The following NETO2 variants were observed in gnomAD, a reference collection of about 807,000 sequenced individuals.
NETO2 encodes neuropilin and tolloid like 2.
Under a neutral mutation model 62.5 loss-of-function variants are expected in NETO2, and 28 were observed. The ratio of observed to expected loss-of-function variants is 0.45; its 90% confidence interval spans 0.33 to 0.61. The LOEUF (loss-of-function observed/expected upper bound fraction) is 0.61, where lower values mean the gene tolerates loss of function less well. NETO2 is among the 20% of genes least tolerant of loss of function. The probability of loss-of-function intolerance (pLI) is 0.02; values close to 1 mark genes in which losing one functional copy is unlikely to be tolerated. For synonymous variants in NETO2, 214 were observed against 219.1 expected, an observed-to-expected ratio of 0.98 and a Z score of 0.21; for missense variants, 548 against 643.2, an observed-to-expected ratio of 0.85 and a Z score of 1.60.
intron 3 of NETO2, 61 bp from the exon 4 acceptor site, chr16:47,128,634 A>C (rs1964204969): frequency 1.9e-6 from 3 of 1,549,570 alleles, no homozygotes; most frequent in Non-Finnish European, 2.6e-6. Context: ...AAATGTATTG[A>C]CACAAATGAG....
At chr16:47,104,728 CTTTT>C (rs966250116) in intron 7 of NETO2, among the ~76,000 whole-genome samples, 1 of 149,368 alleles carries the variant, frequency 6.7e-6, no homozygotes, top group Non-Finnish European at 1.5e-5. Context: ...CACATAATTT[CTTTT>C]TTTTTTGGAC....
chr16:47,143,400 C>A (rs1265913053), intron 1 of NETO2, among the ~76,000 whole-genome samples, 179 bp downstream of exon 1: 1 of 151,890 alleles, frequency 6.6e-6, no homozygotes, highest in Admixed American at 6.6e-5. Context: ...GCCCGGAGAG[C>A]CGGCGGAGCC....
intron 8 of NETO2, among the ~76,000 whole-genome samples, chr16:47,085,626 C>T (rs561124552): frequency 1.2e-3 from 179 of 151,934 alleles, no homozygotes; most frequent in African/African-American, 4.1e-3. Context: ...TCAGGTGATC[C>T]GCCTGCCTCA....
chr16:47,100,311 G>A (rs1189238049), intron 7 of NETO2, among the ~76,000 whole-genome samples: 1 of 152,180 alleles, frequency 6.6e-6, no homozygotes, highest in Non-Finnish European at 1.5e-5. Context: ...CTAAAGCAGT[G>A]TTTAGAGGGA....
At chr16:47,119,281 A>G (rs1963989808) in intron 6 of NETO2, among the ~76,000 whole-genome samples, 1 of 151,336 alleles carries the variant, frequency 6.6e-6, no homozygotes, top group Non-Finnish European at 1.5e-5. Context: ...CCTCCTGAGT[A>G]GCTGGGACTA....
chr16:47,102,747 A>G (rs550348751), intron 7 of NETO2, among the ~76,000 whole-genome samples: 1 of 152,328 alleles, frequency 6.6e-6, no homozygotes, highest in East Asian at 1.9e-4. Context: ...ATGAGCTACC[A>G]TCTCACACCA....
At position 47,135,997 on chromosome 16, in the gene NETO2, C is replaced by T. The variant is rs533797939; in HGVS notation, c.35-3972G>A. Among the ~76,000 whole-genome samples the T allele has an allele frequency of 7.0e-4, 106 of 152,136 alleles. 1 individual carries two copies. The highest frequency in any genetic ancestry group is 2.4e-3 in the African/African-American group (98 of 41,514). ...AACAGAGCAGTAACATGTTTCTGAGCAGTAAAATAATGCTGCAAAGATAAT... is the reference window on the plus strand; with the variant it reads ...AACAGAGCAGTAACATGTTTCTGAGTAGTAAAATAATGCTGCAAAGATAAT... On this transcript the variant is annotated intron_variant, in intron 1 of 8. Transcript: ENST00000562435.
At chr16:47,089,194 G>A (rs973976049) in intron 7 of NETO2, among the ~76,000 whole-genome samples, 1 of 152,100 alleles carries the variant, frequency 6.6e-6, no homozygotes, top group Non-Finnish European at 1.5e-5. Flanking sequence ...AGTACTCAGC[G>A]GCTGCAGTTC....
chr16:47,086,095 G>A (rs1963183507), intron 8 of NETO2, 131 bp downstream of exon 8: 6 of 689,244 alleles, frequency 8.7e-6, no homozygotes, highest in Admixed American at 2.2e-5. Context: ...GACAGAGCAG[G>A]ACTCCGTCTC....
Position 47,129,261 on chromosome 16 carries a change from T to C in NETO2, c.195A>G (p.Ser65=), listed in dbSNP as rs554744136. ...AGATACACTCCTTGTTTGGTGGATA[T>C]GAGTCAGGATAATTTGGCGAAGCAA... The part of the protein sequence containing the change: ...GHFASPNYPD[S]YPPNKECIYI... The change falls in exon 3 of 9, where the codon TCA becomes TCG. Residue 65 remains serine, a synonymous_variant. Coordinates refer to ENST00000562435, the MANE Select transcript of NETO2 (RefSeq NM_018092.5). 1.2e-5 allele frequency: 20 copies of C among 1,614,074 alleles called. No individual in the cohort carries two copies. The East Asian group carries it at 3.6e-4, about 29-fold the overall frequency.
chr16:47,122,980 T>C, intron 4 of NETO2, 68 bp from the exon 5 acceptor site: 1 of 1,431,284 alleles, frequency 7.0e-7, no homozygotes, highest in Non-Finnish European at 9.7e-7. Context: ...TGTCTTACAT[T>C]ACATCTAACG....
At chr16:47,101,204 C>T (rs1326098212) in intron 7 of NETO2, among the ~76,000 whole-genome samples, 3 of 152,054 alleles carry the variant, frequency 2.0e-5, no homozygotes, top group African/African-American at 4.8e-5. Context: ...TCTCAATAGA[C>T]GCAGAAAAGG....
chr16:47,098,497 G>A (rs1340010264), intron 7 of NETO2, among the ~76,000 whole-genome samples: 3 of 152,122 alleles, frequency 2.0e-5, no homozygotes, highest in East Asian at 1.9e-4. Context: ...TAAAAGGAAC[G>A]AACAAAGTCT....
In NETO2 at chr16:47,083,124, G is replaced by C. The variant is rs1014165027; in HGVS notation, c.*97C>G. ...ACGGTAAATCAAGGTCTTCGTAGTT[G>C]TGATGGGAGAAAAGGGTTGGCTGCT... On this transcript the variant is annotated 3_prime_UTR_variant, in exon 9 of 9. Transcript: ENST00000562435. The C allele has an allele frequency of 2.8e-6, 3 of 1,066,090 alleles. No individual in the cohort carries two copies. The highest frequency in any genetic ancestry group is 4.7e-5 in the Admixed American group (2 of 42,466). The allele number at this position is 1,066,090 out of a possible 1,614,324, so 66.0% of individuals were successfully genotyped here. A position where few individuals can be genotyped will look rare whatever the true frequency, so the allele number is the denominator to read the frequency against.
chr16:47,106,528 A>C (rs1567386978), intron 7 of NETO2, among the ~76,000 whole-genome samples: 1 of 152,122 alleles, frequency 6.6e-6, no homozygotes, highest in South Asian at 2.1e-4. Flanking sequence ...ATATCTAACG[A>C]AATTACACAA....
Position 47,129,217 on chromosome 16 carries a change from C to T in NETO2, c.232+7G>A. 6.2e-7 allele frequency: 1 copy of T among 1,613,148 alleles called. No homozygotes were observed. The highest frequency in any genetic ancestry group is 8.5e-7 in the Non-Finnish European group (1 of 1,179,414). ...AATTCATCCAATAAAAGAAATCGTT[C>T]AAATACCTTCCAAAATGTAGATACA... is the stretch of plus-strand genomic sequence containing the variant. On this transcript the variant is annotated splice_region_variant and intron_variant, in intron 3 of 8. Transcript: ENST00000562435.
chr16:47,143,848 C>G lies in NETO2; in HGVS notation c.-236G>C. On this transcript the variant is annotated 5_prime_UTR_variant, in exon 1 of 9. Coordinates refer to ENST00000562435, the MANE Select transcript of NETO2 (RefSeq NM_018092.5). ...GCGCCGCCTCCTGCTCCGCGGCGCC[C>G]CGTCCCATCGACCGCCCGAGGGCCG... The G allele has an allele frequency of 2.6e-6, 1 of 385,382 alleles. No individual in the cohort carries two copies. Among genetic ancestry groups the G allele is most frequent in the Non-Finnish European group, 4.1e-6 (1 of 245,130 alleles). The allele number at this position is 385,382 out of a possible 1,614,324, so 23.9% of individuals were successfully genotyped here. A position where few individuals can be genotyped will look rare whatever the true frequency, so the allele number is the denominator to read the frequency against.
chr16:47,088,195 C>T (rs1232690933), intron 7 of NETO2, among the ~76,000 whole-genome samples: 2 of 152,092 alleles, frequency 1.3e-5, no homozygotes, highest in Non-Finnish European at 2.9e-5. Flanking sequence ...ACCTTTGCCT[C>T]CCAGGTTCAA....
rs749427046 is a variant in NETO2, at chr16:47,122,783, A to T, written c.528T>A (p.Asp176Glu). 4 of 1,613,986 alleles carry T rather than the reference A, an allele frequency of 2.5e-6. No homozygotes were observed. The highest frequency in any genetic ancestry group is 1.1e-5 in the South Asian group (1 of 91,062). ...CAGCTCCCGAGAGCTCGAACTGACA[A>T]TCTGGAAGGAATACATGAAAGGTGT... ...YLGGILNPIP[D>E]CQFELSGADG... Residue 176 changes from aspartate to glutamate, a missense_variant and splice_region_variant, in exon 6 of 9, where the codon GAT becomes GAA. Transcript: ENST00000562435.
Sources: gnomAD v4.1 joint callset for allele counts (sites outside exome capture counted in the v4.1 genomes callset) on GRCh38, gnomAD v4.1.1 for gene constraint, MANE v1.5 for transcripts, NCBI Gene and HGNC (gene_info 2026-07-23, HGNC 2026-07-21) for gene names.